The following CALN1 variants were observed in gnomAD, a reference collection of about 807,000 sequenced individuals.
CALN1 encodes calneuron 1, also known as calcium-binding protein 8.
CALN1 carries 17 observed loss-of-function variants against 30.6 expected under a neutral mutation model. The ratio of observed to expected loss-of-function variants is 0.56; its 90% confidence interval spans 0.38 to 0.83. CALN1 has a LOEUF of 0.83. Among genes scored for constraint, CALN1 ranks in the 40% least tolerant of loss-of-function variants. CALN1 has a pLI of 0.00. For missense variants in CALN1, 291 were observed against 354.9 expected, an observed-to-expected ratio of 0.82 and a Z score of 1.45; for synonymous variants, 156 against 131.4, an observed-to-expected ratio of 1.19 and a Z score of -1.28.
intron 3 of CALN1, among the ~76,000 whole-genome samples, chr7:72,192,963 G>A (rs1288850642): frequency 2.6e-5 from 4 of 151,820 alleles, no homozygotes; most frequent in South Asian, 2.1e-4. Context: ...TGAAACAGGC[G>A]GATCACTTGA....
At chr7:72,372,174 T>A (rs1312579745) in intron 2 of CALN1, among the ~76,000 whole-genome samples, 1 of 152,210 alleles carries the variant, frequency 6.6e-6, no homozygotes, top group Non-Finnish European at 1.5e-5. Flanking sequence ...CTTTTCCTTT[T>A]CTCTATCATC....
intron 3 of CALN1, among the ~76,000 whole-genome samples, chr7:72,109,629 G>A (rs767469841): frequency 1.7e-4 from 26 of 152,280 alleles, no homozygotes; most frequent in Non-Finnish European, 3.2e-4. Flanking sequence ...ACCAAGTCCC[G>A]ACTGGCCTGG....
chr7:72,042,295 T>C lies in CALN1; in HGVS notation c.389-18526A>G, dbSNP rs746287505. Among the ~76,000 whole-genome samples the C allele has an allele frequency of 3.0e-4, 46 of 152,164 alleles. 1 individual carries two copies. The highest frequency in any genetic ancestry group is 5.6e-4 in the Non-Finnish European group (38 of 68,038). ...CCTCCCAAGACTGAGCATACAGTTG[T>C]ATGTGTAGCTATGATTTACCATGGA... is the stretch of plus-strand genomic sequence containing the variant. On this transcript the variant is annotated intron_variant, in intron 4 of 6. Coordinates refer to ENST00000395275, the MANE Select transcript of CALN1 (RefSeq NM_031468.4).
At chr7:72,064,293 AAAT>A (rs1371374560) in intron 4 of CALN1, among the ~76,000 whole-genome samples, 25 of 152,002 alleles carry the variant, frequency 1.6e-4, no homozygotes, top group African/African-American at 5.8e-4. Flanking sequence ...AAAAAAAAAA[AAAT>A]AATTAATTAA....
intron 5 of CALN1, among the ~76,000 whole-genome samples, chr7:71,922,220 T>C (rs371945009): frequency 1.2e-4 from 18 of 152,268 alleles, no homozygotes; most frequent in East Asian, 1.2e-3. Flanking sequence ...TTATCTTGTC[T>C]CTTTGGCACG....
At chr7:72,106,406 G>T in intron 3 of CALN1, 112 bp from the exon 4 acceptor site, 1 of 1,285,732 alleles carries the variant, frequency 7.8e-7, no homozygotes, top group Non-Finnish European at 1.1e-6. Context: ...ACAGTGATTT[G>T]TTAAAACTCT....
intron 3 of CALN1, among the ~76,000 whole-genome samples, chr7:72,149,794 G>T (rs781413520): frequency 6.6e-6 from 1 of 152,042 alleles, no homozygotes; most frequent in African/African-American, 2.4e-5. Context: ...GAAAGGACCT[G>T]GTCACTAACA....
At chr7:72,319,536 C>G (rs1457547070) in intron 2 of CALN1, among the ~76,000 whole-genome samples, 2 of 152,138 alleles carry the variant, frequency 1.3e-5, no homozygotes, top group Non-Finnish European at 2.9e-5. Flanking sequence ...GGGACACAGC[C>G]AAACCATATC....
At chr7:72,318,155 T>C (rs1337872592) in intron 2 of CALN1, among the ~76,000 whole-genome samples, 2 of 152,214 alleles carry the variant, frequency 1.3e-5, no homozygotes, top group Non-Finnish European at 2.9e-5. Context: ...ACGTGAATTA[T>C]TTGGTTTCAA....
chr7:72,266,748 GAAC>G (rs1368216129), intron 3 of CALN1, among the ~76,000 whole-genome samples: 1 of 152,100 alleles, frequency 6.6e-6, no homozygotes, highest in Non-Finnish European at 1.5e-5. Context: ...TGCATTTTCA[GAAC>G]AACATGCGGG....
At chr7:72,048,194 C>T (rs924523877) in intron 4 of CALN1, among the ~76,000 whole-genome samples, 3 of 151,960 alleles carry the variant, frequency 2.0e-5, no homozygotes, top group Admixed American at 1.3e-4. Context: ...TGTATGCCAT[C>T]GCACCCGGCT....
At chr7:72,076,731 G>C (rs1427507180) in intron 4 of CALN1, among the ~76,000 whole-genome samples, 1 of 140,020 alleles carries the variant, frequency 7.1e-6, no homozygotes, top group Non-Finnish European at 1.5e-5. Flanking sequence ...ACTCCTCAGA[G>C]ACTATCTCCT....
chr7:71,955,872 A>G (rs891390497), intron 5 of CALN1, among the ~76,000 whole-genome samples: 5 of 152,102 alleles, frequency 3.3e-5, no homozygotes, highest in Non-Finnish European at 2.9e-5. Flanking sequence ...TTGAGGGCTG[A>G]AGATTGAAAA....
chr7:72,211,243 C>T (rs543146813), intron 3 of CALN1, among the ~76,000 whole-genome samples: 157 of 152,276 alleles, frequency 1.0e-3, no homozygotes, highest in Non-Finnish European at 1.7e-3. Flanking sequence ...CCCTTCCTTT[C>T]CAGGCTCCAG....
chr7:72,097,227 G>A (rs1280227300), intron 4 of CALN1, among the ~76,000 whole-genome samples: 1 of 152,162 alleles, frequency 6.6e-6, no homozygotes, highest in Non-Finnish European at 1.5e-5. Context: ...ATTAATAGGT[G>A]CAGCACACCA....
intron 5 of CALN1, among the ~76,000 whole-genome samples, chr7:71,937,734 C>G (rs928839905): frequency 6.6e-6 from 1 of 152,204 alleles, no homozygotes; most frequent in Non-Finnish European, 1.5e-5. Flanking sequence ...CCACCTCAGC[C>G]TCCCAAACTG....
chr7:72,403,157 G>A (rs751685741), intron 2 of CALN1, 94 bp downstream of exon 2: 12 of 851,420 alleles, frequency 1.4e-5, no homozygotes, highest in African/African-American at 1.0e-4. Flanking sequence ...GCCTAGACAC[G>A]CAGCAGCGGC....
At chr7:72,022,735 T>C (rs1338168484) in intron 5 of CALN1, among the ~76,000 whole-genome samples, 2 of 152,222 alleles carry the variant, frequency 1.3e-5, no homozygotes, top group African/African-American at 4.8e-5. Flanking sequence ...GAGTCTTAAA[T>C]GCCTTTTGTA....
intron 3 of CALN1, among the ~76,000 whole-genome samples, chr7:72,206,260 TG>T (rs1252425143): frequency 6.6e-6 from 1 of 152,224 alleles, no homozygotes; most frequent in Non-Finnish European, 1.5e-5. Flanking sequence ...GGATTTGTTT[TG>T]GCCTCTTCTT....
Sources: allele counts gnomAD v4.1 joint callset (sites outside exome capture counted in the v4.1 genomes callset), GRCh38; gene constraint gnomAD v4.1.1; transcripts MANE v1.5; gene names NCBI Gene and HGNC (gene_info 2026-07-23, HGNC 2026-07-21).